The following ZNF516 variants were observed in gnomAD, a reference collection of about 807,000 sequenced individuals.
The protein encoded by ZNF516 is zinc finger protein 516.
In ZNF516, 19 loss-of-function variants were observed where a neutral mutation model predicts 79.7. That is an observed-to-expected ratio of 0.24 (90% CI 0.17 to 0.35). The LOEUF is 0.35. ZNF516 is among the 10% of genes least tolerant of loss of function. ZNF516 has a pLI of 1.00. For synonymous variants in ZNF516, 877 were observed against 739.5 expected, an observed-to-expected ratio of 1.19 and a Z score of -3.02; for missense variants, 1,678 against 1,679.5, an observed-to-expected ratio of 1.00 and a Z score of 0.02.
intron 3 of ZNF516, among the ~76,000 whole-genome samples, chr18:76,430,588 G>A (rs1308978464): frequency 6.6e-6 from 1 of 152,204 alleles, no homozygotes; most frequent in Non-Finnish European, 1.5e-5. Flanking sequence ...TCAGATATGA[G>A]ATTCAAGCAT....
intron 3 of ZNF516, among the ~76,000 whole-genome samples, chr18:76,400,773 T>C (rs2075208486): frequency 6.6e-6 from 1 of 152,222 alleles, no homozygotes; most frequent in Admixed American, 6.5e-5. Context: ...GTAATATAAA[T>C]ATTGAGTCTC....
At chr18:76,405,117 G>C (rs1277355381) in intron 3 of ZNF516, among the ~76,000 whole-genome samples, 1 of 152,194 alleles carries the variant, frequency 6.6e-6, no homozygotes, top group Non-Finnish European at 1.5e-5. Flanking sequence ...AGCCTCCCGA[G>C]GCCAAGATAA....
intron 1 of ZNF516, among the ~76,000 whole-genome samples, chr18:76,485,647 T>G (rs1016095278): frequency 1.3e-5 from 2 of 152,162 alleles, no homozygotes; most frequent in African/African-American, 4.8e-5. Context: ...GGTGGAATCT[T>G]CTGTGGGGTT....
chr18:76,463,265 A>G (rs1371790400), intron 1 of ZNF516, 124 bp from the exon 2 acceptor site: 1 of 152,264 alleles, frequency 6.6e-6, no homozygotes, highest in Admixed American at 6.5e-5. Context: ...AGGTATTTTC[A>G]GAATGAATTA....
At chr18:76,476,374 G>A (rs1914175937) in intron 1 of ZNF516, among the ~76,000 whole-genome samples, 1 of 152,210 alleles carries the variant, frequency 6.6e-6, no homozygotes, top group African/African-American at 2.4e-5. Flanking sequence ...AAAGCCTTCA[G>A]TGCCAGTTGT....
intron 1 of ZNF516, among the ~76,000 whole-genome samples, chr18:76,494,457 C>T (rs1281469295): frequency 1.4e-5 from 2 of 148,102 alleles, no homozygotes; most frequent in African/African-American, 5.0e-5. Flanking sequence ...CTCGCCCCCA[C>T]CCCCACCCCC....
At chr18:76,480,530 T>TATATATA (rs755045197) in intron 1 of ZNF516, among the ~76,000 whole-genome samples, 78 of 23,384 alleles carry the variant, frequency 3.3e-3, no homozygotes, top group African/African-American at 0.017. Flanking sequence ...CACACATATA[T>TATATATA]TTTTTTTTTT....
chr18:76,441,193 C>T (rs2075812937), intron 3 of ZNF516, 52 bp downstream of exon 3: 2 of 1,561,326 alleles, frequency 1.3e-6, no homozygotes, highest in Non-Finnish European at 1.7e-6. Flanking sequence ...GAAGCAGGAA[C>T]CCCCTGAGCC....
chr18:76,492,194 G>A (rs1915270059), intron 1 of ZNF516: 1 of 985,448 alleles, frequency 1.0e-6, no homozygotes, highest in South Asian at 4.7e-5. Flanking sequence ...CAACCCCGCG[G>A]TGCTCCCGGA....
At chr18:76,395,946 G>A (rs1022195352) in intron 3 of ZNF516, among the ~76,000 whole-genome samples, 3 of 152,186 alleles carry the variant, frequency 2.0e-5, no homozygotes, top group African/African-American at 7.2e-5. Flanking sequence ...GCAAGTGAAA[G>A]AGGAAGCCCT....
intron 3 of ZNF516, among the ~76,000 whole-genome samples, chr18:76,413,404 C>T: frequency 6.6e-6 from 1 of 152,144 alleles, no homozygotes. Context: ...CTAGCAGCAC[C>T]ACACCCAACA....
intron 3 of ZNF516, among the ~76,000 whole-genome samples, chr18:76,384,394 A>AC (rs1372463788): frequency 1.3e-5 from 1 of 76,800 alleles, no homozygotes; most frequent in Non-Finnish European, 2.5e-5. Context: ...CACGGGCCGC[A>AC]CCCCTTTCTC....
At chr18:76,395,046 A>C (rs968472112) in intron 3 of ZNF516, among the ~76,000 whole-genome samples, 3 of 152,216 alleles carry the variant, frequency 2.0e-5, no homozygotes, top group Non-Finnish European at 4.4e-5. Context: ...ATGAGTGAGC[A>C]TTTGGTCATC....
At chr18:76,369,279 G>A (rs1394795597) in intron 6 of ZNF516, among the ~76,000 whole-genome samples, 4 of 152,182 alleles carry the variant, frequency 2.6e-5, no homozygotes, top group African/African-American at 9.7e-5. Context: ...AGTTGTCATA[G>A]TATTGGGTAA....
chr18:76,416,881 G>C (rs1599054460), intron 3 of ZNF516, among the ~76,000 whole-genome samples: 2 of 152,096 alleles, frequency 1.3e-5, no homozygotes, highest in East Asian at 3.9e-4. Context: ...TTAAAGGGGG[G>C]AGGGACTTTA....
At position 76,379,948 on chromosome 18, in the gene ZNF516, C is replaced by G; in HGVS notation, c.2166G>C (p.Gly722=). 3 of 1,613,986 alleles carry G rather than the reference C, an allele frequency of 1.9e-6. No individual in the cohort carries two copies. Among genetic ancestry groups the G allele is most frequent in the Non-Finnish European group, 1.7e-6 (2 of 1,179,894 alleles). ...DLHNKEHSGG[G]KRALAPDLMP... ...TGAGGTCTGGGGCCAGCGCCCGCTT[C>G]CCTCCCCCAGAGTGTTCCTTGTTGT... Residue 722 remains glycine (G), a synonymous_variant, in exon 4 of 7, where the codon GGG becomes GGC. Transcript: ENST00000443185.
At position 76,443,137 on chromosome 18, in the gene ZNF516, G is replaced by A. The variant is rs1176262711; in HGVS notation, c.-83C>T. On this transcript the variant is annotated 5_prime_UTR_variant, in exon 3 of 7. Coordinates refer to ENST00000443185, the MANE Select transcript of ZNF516 (RefSeq NM_014643.4). ...GGACCGTCCTATCTCTCCATGGTCAGAAGAGCCAAAAGACGTGCCTGCTCC... is the reference window on the plus strand; with the variant it reads ...GGACCGTCCTATCTCTCCATGGTCAAAAGAGCCAAAAGACGTGCCTGCTCC... The A allele has an allele frequency of 1.4e-6, 2 of 1,473,090 alleles. No individual in the cohort carries two copies. The highest frequency in any genetic ancestry group is 1.8e-6 in the Non-Finnish European group (2 of 1,119,198). The allele number at this position is 1,473,090 out of a possible 1,614,324, so 91.3% of individuals were successfully genotyped here.
At chr18:76,457,265 CCTT>C (rs1453014010) in intron 2 of ZNF516, among the ~76,000 whole-genome samples, 6 of 152,242 alleles carry the variant, frequency 3.9e-5, no homozygotes, top group Non-Finnish European at 7.3e-5. Context: ...AGCTTTCTCT[CCTT>C]CTTAAACTGA....
At chr18:76,363,954 T>TGGGG (rs1477744731) in intron 6 of ZNF516, among the ~76,000 whole-genome samples, 11 of 152,210 alleles carry the variant, frequency 7.2e-5, no homozygotes, top group African/African-American at 2.7e-4. Flanking sequence ...AGATTGCACA[T>TGGGG]GGACAGCACC....
Sources: gnomAD v4.1 joint callset for allele counts (sites outside exome capture counted in the v4.1 genomes callset) on GRCh38, gnomAD v4.1.1 for gene constraint, MANE v1.5 for transcripts, NCBI Gene and HGNC (gene_info 2026-07-23, HGNC 2026-07-21) for gene names.